DGKI: variants seen among roughly 807,000 people sequenced by gnomAD.
DGKI encodes DAG kinase iota.
A neutral mutation model predicts 147.5 loss-of-function variants in DGKI; 55 were observed. The ratio of observed to expected loss-of-function variants is 0.37; its 90% CI spans 0.30 to 0.47. The LOEUF is 0.47. DGKI is among the 20% of genes least tolerant of loss of function. DGKI has a pLI of 1.00. For synonymous variants in DGKI, 469 were observed against 477.1 expected (o/e 0.98, Z 0.22); for missense variants, 1,007 against 1,323.8 (o/e 0.76, Z 3.71).
intron 5 of DGKI, among the ~76,000 whole-genome samples, chr7:137,649,026 A>C (rs1214707377): frequency 1.3e-5 from 2 of 152,192 alleles, no homozygotes; most frequent in Non-Finnish European, 2.9e-5. Flanking sequence ...CAGCTCTGCG[A>C]TTTGAGATGT....
intron 27 of DGKI, among the ~76,000 whole-genome samples, chr7:137,447,972 AC>A (rs1296395490): frequency 6.6e-6 from 1 of 152,188 alleles, no homozygotes; most frequent in African/African-American, 2.4e-5. Context: ...TAAAGGAAAT[AC>A]CCTCTTTGAT....
chr7:137,737,576 T>G (rs1470451970), intron 1 of DGKI, among the ~76,000 whole-genome samples: 1 of 151,960 alleles, frequency 6.6e-6, no homozygotes, highest in Non-Finnish European at 1.5e-5. Context: ...GACTTCGGAA[T>G]GGAACCCAGA....
intron 1 of DGKI, among the ~76,000 whole-genome samples, chr7:137,808,146 G>A (rs543496467): frequency 8.5e-5 from 13 of 152,264 alleles, no homozygotes; most frequent in South Asian, 4.1e-4. Flanking sequence ...TAAGGACAAC[G>A]TAGTAGATAA....
At chr7:137,646,334 C>G (rs1265571899) in intron 5 of DGKI, among the ~76,000 whole-genome samples, 3 of 152,188 alleles carry the variant, frequency 2.0e-5, no homozygotes, top group Non-Finnish European at 1.5e-5. Flanking sequence ...ACAAGAGATA[C>G]AAGCATATCA....
At position 137,388,790 on chromosome 7, in the gene DGKI, C is replaced by T. The variant is rs1046466109; in HGVS notation, c.*2430G>A. On this transcript the variant is annotated 3_prime_UTR_variant, in exon 33 of 33. Coordinates refer to ENST00000614521, the MANE Select transcript of DGKI (RefSeq NM_001321708.2). ...CAAATATTGGTCTCCATGAATAACACAGGACTCTAATGCCTTTTTTTTTTT... is the reference window on the plus strand; with the variant it reads ...CAAATATTGGTCTCCATGAATAACATAGGACTCTAATGCCTTTTTTTTTTT... The T allele has an allele frequency of 6.6e-6, 1 of 150,670 alleles. No homozygotes were observed. Among genetic ancestry groups the T allele is most frequent in the Admixed American group, 6.6e-5 (1 of 15,128 alleles). 9.3% of individuals were successfully genotyped at this position (150,670 alleles called of 1,614,324 possible).
chr7:137,423,914 A>C (rs893903040), intron 28 of DGKI, among the ~76,000 whole-genome samples: 6 of 152,214 alleles, frequency 3.9e-5, no homozygotes, highest in Non-Finnish European at 8.8e-5. Context: ...ACACGTGCAG[A>C]ATGTGCAGCT....
intron 5 of DGKI, among the ~76,000 whole-genome samples, chr7:137,651,869 G>A (rs1822039152): frequency 6.6e-6 from 1 of 152,152 alleles, no homozygotes; most frequent in Non-Finnish European, 1.5e-5. Flanking sequence ...TGAGAGACTG[G>A]ATAAGGAAAG....
At chr7:137,789,803 A>C (rs1055851876) in intron 1 of DGKI, among the ~76,000 whole-genome samples, 2 of 152,206 alleles carry the variant, frequency 1.3e-5, no homozygotes, top group African/African-American at 4.8e-5. Context: ...TTATTTCAAC[A>C]TACAAGTAAG....
intron 1 of DGKI, among the ~76,000 whole-genome samples, chr7:137,817,667 G>A (rs1187618723): frequency 6.6e-6 from 1 of 152,308 alleles, no homozygotes; most frequent in East Asian, 1.9e-4. Flanking sequence ...AGGATATTTG[G>A]TAGGTCACAC....
At position 137,797,279 on chromosome 7, in the gene DGKI, C is replaced by T. The variant is rs573865948; in HGVS notation, c.401+49183G>A. The stretch of plus-strand genomic sequence containing the variant: ...TGAGAGAACCCATCATAAGAAGATC[C>T]ATCCTACAAGAAATACTAAAAAGAA... On this transcript the variant is annotated intron_variant, in intron 1 of 32. Transcript: ENST00000614521. Among the ~76,000 whole-genome samples, 12 of 152,212 alleles carry T rather than the reference C, an allele frequency of 7.9e-5. No individual in the cohort carries two copies. In the East Asian group the frequency reaches 2.1e-3, roughly 27 times the overall value.
chr7:137,646,915 T>C (rs1269625338), intron 5 of DGKI, among the ~76,000 whole-genome samples: 1 of 152,060 alleles, frequency 6.6e-6, no homozygotes, highest in Non-Finnish European at 1.5e-5. Flanking sequence ...CCACCTCTAT[T>C]TCTCTTAATA....
At chr7:137,453,117 C>A (rs1814042189) in intron 27 of DGKI, 1 of 152,206 alleles carries the variant, frequency 6.6e-6, no homozygotes, top group African/African-American at 2.4e-5. Context: ...TGATGCTACA[C>A]AAATTCCATC....
intron 3 of DGKI, among the ~76,000 whole-genome samples, chr7:137,676,917 A>T (rs919749871): frequency 1.6e-4 from 25 of 152,228 alleles, no homozygotes; most frequent in African/African-American, 5.5e-4. Flanking sequence ...CAATTTGGAA[A>T]TAAGGGATGA....
At chr7:137,583,471 T>C (rs1034262627) in intron 14 of DGKI, among the ~76,000 whole-genome samples, 1 of 152,238 alleles carries the variant, frequency 6.6e-6, no homozygotes, top group Non-Finnish European at 1.5e-5. Context: ...CATCTACTGA[T>C]AGCTAAGGAG....
intron 1 of DGKI, among the ~76,000 whole-genome samples, chr7:137,719,474 G>A (rs1794481488): frequency 6.6e-6 from 1 of 151,696 alleles, no homozygotes; most frequent in Non-Finnish European, 1.5e-5. Context: ...GCAGAGTTTT[G>A]CTCCTCCATA....
chr7:137,504,147 A>G (rs1489021022), intron 21 of DGKI, among the ~76,000 whole-genome samples: 1 of 152,194 alleles, frequency 6.6e-6, no homozygotes, highest in Non-Finnish European at 1.5e-5. Context: ...GATTTATAAA[A>G]AGGGAGAAAA....
intron 32 of DGKI, among the ~76,000 whole-genome samples, chr7:137,394,622 G>A (rs751845961): frequency 7.2e-5 from 11 of 152,082 alleles, no homozygotes; most frequent in East Asian, 1.9e-4. Flanking sequence ...CCTCACCTCC[G>A]CCAGCTGATG....
chr7:137,410,484 G>T (rs2351139), intron 29 of DGKI, among the ~76,000 whole-genome samples: 48,451 of 152,042 alleles, frequency 0.32, 8,928 homozygotes, highest in East Asian at 0.63. Flanking sequence ...AATGCATTAG[G>T]TTGGTGCAAA....
At chr7:137,511,269 T>C (rs935329405) in intron 21 of DGKI, among the ~76,000 whole-genome samples, 1 of 152,258 alleles carries the variant, frequency 6.6e-6, no homozygotes, top group African/African-American at 2.4e-5. Flanking sequence ...TGAAGTTTTC[T>C]CTGCTGACTA....
Sources: gnomAD v4.1 joint callset for allele counts (sites outside exome capture counted in the v4.1 genomes callset) on GRCh38, gnomAD v4.1.1 for gene constraint, MANE v1.5 for transcripts, NCBI Gene and HGNC (gene_info 2026-07-23, HGNC 2026-07-21) for gene names.